The following DIAPH2 variants were observed in gnomAD, a reference collection of about 807,000 sequenced individuals.
DIAPH2 encodes the protein diaphanous related formin 2.
In DIAPH2, 35 loss-of-function variants were observed where a neutral mutation model predicts 92.7. The observed-to-expected ratio is 0.38, with a 90% confidence interval of 0.29 to 0.50. DIAPH2 has a LOEUF of 0.50. Among genes scored for constraint, DIAPH2 ranks in the 20% least tolerant of loss-of-function variants. DIAPH2 has a pLI of 0.94. For synonymous variants in DIAPH2, 301 were observed against 280.4 expected (o/e 1.07, Z -0.73); for missense variants, 701 against 819.5 (o/e 0.86, Z 1.77).
At chrX:97,364,759 G>GTTTTTTTTTGTTTTTTTTTTTTTT (rs1279508605) in intron 24 of DIAPH2, among the ~76,000 whole-genome samples, 1 of 56,595 alleles carries the variant, frequency 1.8e-5, no homozygotes, top group African/African-American at 5.8e-5. Context: ...GTCTCCTGGT[G>GTTTTTTTTTGTTTTTTTTTTTTTT]TTTTTTTTTT....
At chrX:96,691,518 G>A (rs935645690) in intron 1 of DIAPH2, among the ~76,000 whole-genome samples, 4 of 112,352 alleles carry the variant, frequency 3.6e-5, no homozygotes, top group Non-Finnish European at 7.5e-5. Flanking sequence ...ATCAGGTTGA[G>A]TCTGTTTCCA....
At chrX:97,571,380 T>C (rs1473688387) in intron 26 of DIAPH2, among the ~76,000 whole-genome samples, 1 of 111,967 alleles carries the variant, frequency 8.9e-6, no homozygotes, top group Non-Finnish European at 1.9e-5. Flanking sequence ...GTCTTTAAAA[T>C]ATATCATTTT....
At chrX:97,263,357 A>C (rs2147573295) in intron 23 of DIAPH2, among the ~76,000 whole-genome samples, 1 of 111,604 alleles carries the variant, frequency 9.0e-6, no homozygotes, top group East Asian at 2.8e-4. Context: ...AATTCTAGTA[A>C]GCATATATCT....
At chrX:97,480,144 T>C (rs778219564) in intron 26 of DIAPH2, among the ~76,000 whole-genome samples, 7 of 111,642 alleles carry the variant, frequency 6.3e-5, no homozygotes, top group Admixed American at 9.6e-5. Flanking sequence ...AGTTAAGATA[T>C]GGTCATACTG....
intron 25 of DIAPH2, among the ~76,000 whole-genome samples, chrX:97,426,979 C>T (rs1043540543): frequency 9.9e-6 from 1 of 101,514 alleles, no homozygotes; most frequent in Admixed American, 1.1e-4. Flanking sequence ...GAGTTCGAGA[C>T]CAGCCTGGCC....
intron 23 of DIAPH2, among the ~76,000 whole-genome samples, chrX:97,304,786 T>C (rs769673746): frequency 5.3e-5 from 6 of 112,401 alleles, no homozygotes; most frequent in African/African-American, 1.6e-4. Context: ...TATGCTGATA[T>C]AGTCATTGCA....
intron 19 of DIAPH2, among the ~76,000 whole-genome samples, chrX:97,088,548 A>G (rs773110596): frequency 9.0e-6 from 1 of 111,704 alleles, no homozygotes; most frequent in African/African-American, 3.3e-5. Flanking sequence ...TGATATTTTC[A>G]ATTAGATATT....
chrX:96,925,126 C>T (rs1007341189), intron 9 of DIAPH2, among the ~76,000 whole-genome samples: 2 of 111,065 alleles, frequency 1.8e-5, no homozygotes, highest in Non-Finnish European at 3.8e-5. Context: ...TTAACTACCA[C>T]TCATATGTGA....
At chrX:97,352,725 C>T (rs1350266794) in intron 24 of DIAPH2, among the ~76,000 whole-genome samples, 1 of 106,493 alleles carries the variant, frequency 9.4e-6, no homozygotes, top group African/African-American at 3.4e-5. Flanking sequence ...AAAAAATTAG[C>T]CGGGCATGGT....
chrX:96,776,215 C>G (rs965547794), intron 4 of DIAPH2, among the ~76,000 whole-genome samples: 1 of 110,258 alleles, frequency 9.1e-6, no homozygotes, highest in African/African-American at 3.3e-5. Context: ...CTTTTCTTTT[C>G]TTTCTGTGTT....
intron 26 of DIAPH2, among the ~76,000 whole-genome samples, chrX:97,585,338 T>C (rs2071472856): frequency 9.1e-6 from 1 of 109,378 alleles, no homozygotes; most frequent in Non-Finnish European, 1.9e-5. Context: ...TGGGCTCTTT[T>C]AGAACAGAAA....
intron 25 of DIAPH2, among the ~76,000 whole-genome samples, chrX:97,403,848 A>G: frequency 9.2e-6 from 1 of 109,025 alleles, no homozygotes; most frequent in Non-Finnish European, 1.9e-5. Flanking sequence ...AATGGTACAG[A>G]TAATCCTTTT....
chrX:97,010,123 G>T (rs762355230), intron 17 of DIAPH2, among the ~76,000 whole-genome samples: 4 of 111,933 alleles, frequency 3.6e-5, no homozygotes, highest in Admixed American at 9.4e-5. Context: ...CAAATTGCTG[G>T]CATATGCCCT....
chrX:97,469,982 T>C (rs2070548736), intron 26 of DIAPH2: 1 of 416,764 alleles, frequency 2.4e-6, no homozygotes, highest in Non-Finnish European at 3.8e-6. Flanking sequence ...AACAGATATA[T>C]AGTCTACAAT....
rs1268359722 is a variant in DIAPH2 at position 96,962,486 on chromosome X, C to CAT, written c.1936-2606_1936-2605insTA. 2.2e-3 allele frequency among the ~76,000 whole-genome samples: 49 copies of CAT among 22,766 alleles called. 2 individuals are homozygous for CAT. The highest frequency in any genetic ancestry group is 7.0e-3 in the African/African-American group (48 of 6,899). 19.8% of individuals were successfully genotyped at this position (22,766 alleles called of 115,157 possible). A position where few individuals can be genotyped will look rare whatever the true frequency, so the allele number is the denominator to read the frequency against. On this transcript the variant is annotated intron_variant, in intron 16 of 26. Transcript: ENST00000324765. ...ATATATACATATATATATACACACA[C>CAT]ACACACACACATATATATATATATA...
At position 97,248,409 on chromosome X, in the gene DIAPH2, A is replaced by T. The variant is rs187630062; in HGVS notation, c.2844+570A>T. 4.2e-3 allele frequency among the ~76,000 whole-genome samples: 475 copies of T among 111,808 alleles called. 5 individuals are homozygous for T. Among genetic ancestry groups the T allele is most frequent in the African/African-American group, 0.015 (456 of 30,917 alleles). ...ACATTAAGCATTTCTTGCTAAATAA[A>T]CATTTTTTGAAACTTCTAGTTTATA... On this transcript the variant is annotated intron_variant, in intron 23 of 26. Transcript: ENST00000324765.
intron 26 of DIAPH2, among the ~76,000 whole-genome samples, chrX:97,471,153 G>C (rs1602612415): frequency 1.8e-5 from 2 of 111,499 alleles, no homozygotes; most frequent in East Asian, 5.6e-4. Flanking sequence ...AGGAAAGAGT[G>C]AAAGTGGAGA....
chrX:97,248,525 CTAAAGA>C (rs1366924998), intron 23 of DIAPH2, among the ~76,000 whole-genome samples: 2 of 111,187 alleles, frequency 1.8e-5, no homozygotes, highest in African/African-American at 6.5e-5. Context: ...AATCTGGTGT[CTAAAGA>C]TAAACTACAT....
At chrX:97,285,961 A>G (rs1445878662) in intron 23 of DIAPH2, among the ~76,000 whole-genome samples, 2 of 108,775 alleles carry the variant, frequency 1.8e-5, no homozygotes, top group Admixed American at 1.0e-4. Flanking sequence ...ATGAAAATCT[A>G]GGCCGTTTCC....
Sources: gnomAD v4.1 joint callset for allele counts (sites outside exome capture counted in the v4.1 genomes callset) on GRCh38, gnomAD v4.1.1 for gene constraint, MANE v1.5 for transcripts, NCBI Gene and HGNC (gene_info 2026-07-23, HGNC 2026-07-21) for gene names.